TBC1D22A: variants seen among roughly 807,000 people sequenced by gnomAD.
The protein encoded by TBC1D22A is putative GTPase activator.
A neutral mutation model predicts 60.2 loss-of-function variants in TBC1D22A; 38 were observed. That is an observed-to-expected ratio of 0.63 (90% CI 0.49 to 0.83). The LOEUF (loss-of-function observed/expected upper bound fraction) is 0.83, where lower values mean the gene tolerates loss of function less well. Ranked by LOEUF, TBC1D22A falls within the 40% of genes least tolerant of loss-of-function variation. TBC1D22A has a pLI of 0.00. For synonymous variants in TBC1D22A, 302 were observed against 281.7 expected (o/e 1.07, Z -0.72); for missense variants, 628 against 701.0 (o/e 0.90, Z 1.18).
rs140177530 is a variant in TBC1D22A at position 46,885,618 on chromosome 22, C to T, written c.709-5648C>T. On this transcript the variant is annotated intron_variant, in intron 5 of 12. Coordinates refer to ENST00000337137, the MANE Select transcript of TBC1D22A (RefSeq NM_014346.5). ...CTGGATGAAGCCTGTGGCTCTGAGA[C>T]GGTTATCTGTGAAGCTGGCTTGAAC... is the stretch of plus-strand genomic sequence containing the variant. Among the ~76,000 whole-genome samples the T allele has an allele frequency of 3.2e-3, 493 of 152,246 alleles. 1 individual carries two copies. The highest frequency in any genetic ancestry group is 0.016 in the South Asian group (75 of 4,818).
chr22:47,082,593 A>G (rs1203467271), intron 11 of TBC1D22A, among the ~76,000 whole-genome samples: 1 of 152,260 alleles, frequency 6.6e-6, no homozygotes, highest in African/African-American at 2.4e-5. Context: ...TGCACAGCAG[A>G]AGATATTCTG....
At chr22:47,048,832 G>A (rs772805839) in intron 11 of TBC1D22A, among the ~76,000 whole-genome samples, 4 of 152,192 alleles carry the variant, frequency 2.6e-5, no homozygotes, top group African/African-American at 4.8e-5. Flanking sequence ...GGCCCTGCAC[G>A]GGACCCTTTG....
intron 1 of TBC1D22A, among the ~76,000 whole-genome samples, chr22:46,766,588 T>G (rs887203145): frequency 1.9e-4 from 29 of 152,278 alleles, no homozygotes; most frequent in African/African-American, 6.3e-4. Context: ...CAGACTGGAG[T>G]GCAGTGGTGT....
At chr22:46,873,682 C>G (rs2067398782) in intron 4 of TBC1D22A, among the ~76,000 whole-genome samples, 2 of 152,182 alleles carry the variant, frequency 1.3e-5, no homozygotes, top group Non-Finnish European at 2.9e-5. Context: ...CCTCTGCCCT[C>G]CAGTAGGCCT....
intron 8 of TBC1D22A, among the ~76,000 whole-genome samples, chr22:46,940,699 T>TAG (rs1272768178): frequency 8.8e-5 from 12 of 136,040 alleles, no homozygotes; most frequent in South Asian, 2.4e-4. Context: ...TATATATATA[T>TAG]GTGTGTATGT....
chr22:46,924,407 G>A (rs1459628547), intron 8 of TBC1D22A, among the ~76,000 whole-genome samples: 2 of 152,158 alleles, frequency 1.3e-5, no homozygotes, highest in Non-Finnish European at 2.9e-5. Context: ...AATTACTCTT[G>A]AAAGCAAATG....
At chr22:47,153,376 C>CA (rs145511465) in intron 12 of TBC1D22A, among the ~76,000 whole-genome samples, 2 of 152,134 alleles carry the variant, frequency 1.3e-5, no homozygotes, top group African/African-American at 4.8e-5. Context: ...TTCCTAAAGA[C>CA]GGGGAGGGTG....
chr22:47,035,751 C>T (rs572351205), intron 10 of TBC1D22A, among the ~76,000 whole-genome samples: 1 of 152,270 alleles, frequency 6.6e-6, no homozygotes, highest in South Asian at 2.1e-4. Flanking sequence ...TTAGTGGAGC[C>T]TGCTTGGAAA....
intron 8 of TBC1D22A, among the ~76,000 whole-genome samples, chr22:46,932,853 T>C (rs941988252): frequency 3.3e-5 from 5 of 151,634 alleles, no homozygotes; most frequent in Admixed American, 2.6e-4. Flanking sequence ...GCCTCCTGAT[T>C]AGCTGGGATT....
intron 8 of TBC1D22A, among the ~76,000 whole-genome samples, chr22:46,926,189 G>A (rs1012998187): frequency 1.3e-5 from 2 of 152,142 alleles, no homozygotes; most frequent in African/African-American, 4.8e-5. Flanking sequence ...GAAATTTATA[G>A]TTGTAACGGA....
intron 11 of TBC1D22A, among the ~76,000 whole-genome samples, chr22:47,053,538 G>C (rs1164463972): frequency 6.6e-6 from 1 of 152,246 alleles, no homozygotes; most frequent in Admixed American, 6.5e-5. Flanking sequence ...CTCCCAGTCG[G>C]GGCAGCAGTT....
intron 4 of TBC1D22A, among the ~76,000 whole-genome samples, chr22:46,868,939 A>G (rs1228760772): frequency 1.0e-5 from 1 of 98,638 alleles, no homozygotes; most frequent in African/African-American, 9.2e-5. Context: ...GGGTAGGAGT[A>G]GGTGGGGGGT....
chr22:46,971,246 G>C (rs887193548), intron 8 of TBC1D22A, among the ~76,000 whole-genome samples: 4 of 152,184 alleles, frequency 2.6e-5, no homozygotes, highest in Non-Finnish European at 4.4e-5. Flanking sequence ...AGAGAGCGAG[G>C]CTCCTGCCTG....
rs903170426 is a variant in TBC1D22A, at chr22:46,902,719, A to G, written c.900+7873A>G. 4.5e-4 allele frequency among the ~76,000 whole-genome samples: 68 copies of G among 151,964 alleles called. 1 individual carries two copies. Among genetic ancestry groups the G allele is most frequent in the Non-Finnish European group, 5.9e-5 (4 of 68,034 alleles). ...TTTCACCTTTCCTGCGATAACTGCA[A>G]GCAACACACCTGCATTTTTGACACA... On this transcript the variant is annotated intron_variant, in intron 7 of 12. Transcript: ENST00000337137.
chr22:46,774,481 C>A (rs567291613), intron 1 of TBC1D22A, among the ~76,000 whole-genome samples: 2 of 152,350 alleles, frequency 1.3e-5, no homozygotes, highest in East Asian at 3.9e-4. Flanking sequence ...GCACGTAGGC[C>A]CTTTGAGTCC....
At chr22:46,787,535 A>G (rs1289959997) in intron 1 of TBC1D22A, among the ~76,000 whole-genome samples, 1 of 152,210 alleles carries the variant, frequency 6.6e-6, no homozygotes, top group African/African-American at 2.4e-5. Flanking sequence ...GTGAAACCCC[A>G]CAGAACAAAA....
chr22:47,120,173 T>G (rs1470410102), intron 12 of TBC1D22A, among the ~76,000 whole-genome samples: 1 of 152,144 alleles, frequency 6.6e-6, no homozygotes, highest in South Asian at 2.1e-4. Context: ...CTCAATCCCA[T>G]GATACCTTAA....
chr22:47,137,502 G>T (rs532066767), intron 12 of TBC1D22A, among the ~76,000 whole-genome samples: 1 of 152,114 alleles, frequency 6.6e-6, no homozygotes, highest in Non-Finnish European at 1.5e-5. Flanking sequence ...TCTCCCTTGG[G>T]GCAGCTTTCC....
chr22:46,958,934 C>T (rs1264824347), intron 8 of TBC1D22A, among the ~76,000 whole-genome samples: 16 of 152,184 alleles, frequency 1.1e-4, no homozygotes, highest in Admixed American at 9.2e-4. Flanking sequence ...GATGTTTTCA[C>T]GACACAATAC....
Sources: gnomAD v4.1 joint callset for allele counts (sites outside exome capture counted in the v4.1 genomes callset) on GRCh38, gnomAD v4.1.1 for gene constraint, MANE v1.5 for transcripts, NCBI Gene and HGNC (gene_info 2026-07-23, HGNC 2026-07-21) for gene names.